FAAH2: variants seen among roughly 807,000 people sequenced by gnomAD.
FAAH2 encodes the protein fatty-acid amide hydrolase 2.
A neutral mutation model predicts 36.9 loss-of-function variants in FAAH2; 60 were observed. That is an observed-to-expected ratio of 1.63 (90% CI 1.32 to 2.02). FAAH2 has a LOEUF of 2.02. FAAH2 is among the 30% of genes most tolerant of loss of function. FAAH2 has a pLI of 0.00. For synonymous variants in FAAH2, 214 were observed against 143.8 expected, an observed-to-expected ratio of 1.49 and a Z score of -3.49; for missense variants, 689 against 397.5, an observed-to-expected ratio of 1.73 and a Z score of -6.23.
At chrX:57,233,090 C>A in the FAAH2 span, among the ~76,000 whole-genome samples, 6 of 111,987 alleles carry the variant, frequency 5.4e-5, no homozygotes, top group African/African-American at 1.6e-4. Context: ...TGCCTACAAC[C>A]AGGTCTATGG....
At chrX:57,277,507 C>T in the FAAH2 span, among the ~76,000 whole-genome samples, 8 of 111,725 alleles carry the variant, frequency 7.2e-5, no homozygotes, top group African/African-American at 2.6e-4. Flanking sequence ...CTTTGTAAAC[C>T]AGCACAATAC....
At chrX:57,229,313 G>A in the FAAH2 span, 1 of 111,173 alleles carries the variant, frequency 9.0e-6, no homozygotes, top group Non-Finnish European at 1.9e-5. Flanking sequence ...TATATTTCTG[G>A]GGTCATCACA....
At chrX:57,361,126 C>T (rs1348971050) in intron 5 of FAAH2, among the ~76,000 whole-genome samples, 1 of 111,819 alleles carries the variant, frequency 8.9e-6, no homozygotes, top group Non-Finnish European at 1.9e-5. Context: ...ATAATTAGTT[C>T]TTTCTTAAAT....
chrX:57,372,732 T>C (rs1751970146), intron 5 of FAAH2, among the ~76,000 whole-genome samples: 1 of 111,013 alleles, frequency 9.0e-6, no homozygotes, highest in Admixed American at 9.7e-5. Context: ...TTAATTATTT[T>C]TTATTACAAT....
intron 2 of FAAH2, among the ~76,000 whole-genome samples, chrX:57,309,365 A>G (rs183114131): frequency 3.8e-3 from 433 of 112,494 alleles, no homozygotes; most frequent in African/African-American, 0.013. Context: ...TACTAGGAAT[A>G]TACTGCTATA....
chrX:57,387,242 T>C (rs188480271), intron 7 of FAAH2, among the ~76,000 whole-genome samples: 102 of 111,565 alleles, frequency 9.1e-4, no homozygotes, highest in African/African-American at 3.3e-3. Flanking sequence ...ACCATCACCA[T>C]TATTATTTAT....
chrX:57,225,211 G>A, the FAAH2 span, among the ~76,000 whole-genome samples: 1 of 110,617 alleles, frequency 9.0e-6, no homozygotes, highest in African/African-American at 3.3e-5. Flanking sequence ...TGTTTCTCTA[G>A]TTGCTTGAGG....
chrX:57,337,403 T>G (rs1602323048), intron 4 of FAAH2, among the ~76,000 whole-genome samples: 1 of 111,583 alleles, frequency 9.0e-6, no homozygotes, highest in East Asian at 2.8e-4. Flanking sequence ...CTAACTCATT[T>G]TATGAGGCCA....
chrX:57,211,517 A>G, the FAAH2 span, among the ~76,000 whole-genome samples: 2 of 111,793 alleles, frequency 1.8e-5, no homozygotes, highest in Non-Finnish European at 3.8e-5. Flanking sequence ...ATTGCCTGGG[A>G]CACCTGAGTA....
chrX:57,157,975 A>C, the FAAH2 span, among the ~76,000 whole-genome samples: 46 of 110,416 alleles, frequency 4.2e-4, 1 homozygote, highest in African/African-American at 1.5e-3. Context: ...CATTAGGTAT[A>C]TCTCCTAATG....
At chrX:57,293,143 C>T (rs1486466146) in intron 2 of FAAH2, among the ~76,000 whole-genome samples, 1 of 111,102 alleles carries the variant, frequency 9.0e-6, no homozygotes, top group East Asian at 2.8e-4. Flanking sequence ...AGGGTGCCAT[C>T]GTGTAGCTCT....
chrX:57,247,339 C>T, the FAAH2 span, among the ~76,000 whole-genome samples: 3 of 111,706 alleles, frequency 2.7e-5, no homozygotes. Context: ...ATCAAACAGG[C>T]TTCCACTCAA....
chrX:57,198,610 C>T, the FAAH2 span, among the ~76,000 whole-genome samples: 6 of 112,206 alleles, frequency 5.3e-5, no homozygotes, highest in Non-Finnish European at 9.4e-5. Flanking sequence ...TGGATTTTAC[C>T]CAGGATATTT....
intron 3 of FAAH2, among the ~76,000 whole-genome samples, chrX:57,311,946 C>T (rs2052706659): frequency 8.9e-6 from 1 of 112,062 alleles, no homozygotes; most frequent in Non-Finnish European, 1.9e-5. Flanking sequence ...GAGGAGCTCC[C>T]AACCCCAGAA....
chrX:57,249,942 C>A, the FAAH2 span, among the ~76,000 whole-genome samples: 9 of 111,687 alleles, frequency 8.1e-5, no homozygotes, highest in African/African-American at 2.9e-4. Context: ...ACCTTGACTG[C>A]ATTTAAATGG....
At chrX:57,258,874 A>G in the FAAH2 span, among the ~76,000 whole-genome samples, 1 of 107,355 alleles carries the variant, frequency 9.3e-6, no homozygotes, top group Non-Finnish European at 1.9e-5. Flanking sequence ...ACGCCTGGCT[A>G]ATTTTGTTTT....
the FAAH2 span, among the ~76,000 whole-genome samples, chrX:57,177,008 G>A: frequency 9.1e-6 from 1 of 109,984 alleles, no homozygotes; most frequent in Non-Finnish European, 1.9e-5. Context: ...CCAGTAGTTT[G>A]CACTTAAAAA....
intron 8 of FAAH2, among the ~76,000 whole-genome samples, chrX:57,432,290 A>G (rs1367122181): frequency 9.0e-6 from 1 of 111,674 alleles, no homozygotes; most frequent in Non-Finnish European, 1.9e-5. Context: ...GCAGTCTCCC[A>G]AATCTTGAAT....
Position 57,487,251 on chromosome X carries a change from C to T in FAAH2, c.1424-1506C>T, listed in dbSNP as rs1168402357. ...GGTTTCCTAGATACAGCTTCAAAAGCCCAGGCAATAAAAGAAAGCATGATA... is the reference window on the plus strand; with the variant it reads ...GGTTTCCTAGATACAGCTTCAAAAGTCCAGGCAATAAAAGAAAGCATGATA... On this transcript the variant is annotated intron_variant, in intron 10 of 10. Transcript: ENST00000374900. Among the ~76,000 whole-genome samples, 6 of 109,117 alleles carry T rather than the reference C, an allele frequency of 5.5e-5. No individual in the cohort carries two copies. The East Asian group carries it at 1.7e-3, about 31-fold the overall frequency. 94.8% of individuals were successfully genotyped at this position (109,117 alleles called of 115,157 possible).
Sources: gnomAD v4.1 joint callset for allele counts (sites outside exome capture counted in the v4.1 genomes callset) on GRCh38, gnomAD v4.1.1 for gene constraint, MANE v1.5 for transcripts, NCBI Gene and HGNC (gene_info 2026-07-23, HGNC 2026-07-21) for gene names.